DACH2: variants seen among roughly 807,000 people sequenced by gnomAD.
DACH2 encodes the protein dachshund family transcription factor 2.
Under a neutral mutation model 35.8 loss-of-function variants are expected in DACH2, and 17 were observed. That is an observed-to-expected ratio of 0.48 (90% CI 0.33 to 0.71). The LOEUF is 0.71. Among genes scored for constraint, DACH2 ranks in the 30% least tolerant of loss-of-function variants. DACH2 has a pLI of 0.02. For missense variants in DACH2, 469 were observed against 472.7 expected, an observed-to-expected ratio of 0.99 and a Z score of 0.07; for synonymous variants, 195 against 177.3, an observed-to-expected ratio of 1.10 and a Z score of -0.79.
At chrX:86,641,874 G>A (rs1357824590) in intron 3 of DACH2, among the ~76,000 whole-genome samples, 2 of 111,755 alleles carry the variant, frequency 1.8e-5, no homozygotes, top group Admixed American at 9.5e-5. Context: ...CCTAAGTGAA[G>A]GAGAAATAAG....
At chrX:86,394,276 TTA>T (rs1409119465) in intron 2 of DACH2, among the ~76,000 whole-genome samples, 1 of 110,795 alleles carries the variant, frequency 9.0e-6, no homozygotes, top group Non-Finnish European at 1.9e-5. Flanking sequence ...AAATATTAGT[TTA>T]TGATAATTAA....
At chrX:86,609,524 C>A (rs538649668) in intron 3 of DACH2, among the ~76,000 whole-genome samples, 2 of 111,538 alleles carry the variant, frequency 1.8e-5, no homozygotes, top group African/African-American at 6.5e-5. Context: ...TTATACTTGT[C>A]GGTGTTTGTG....
intron 3 of DACH2, among the ~76,000 whole-genome samples, chrX:86,541,817 TTG>T (rs2038886970): frequency 9.0e-6 from 1 of 111,412 alleles, no homozygotes. Context: ...ACAGGGGTGT[TTG>T]TGTGTGTGCA....
intron 4 of DACH2, among the ~76,000 whole-genome samples, chrX:86,669,053 T>C (rs1267134328): frequency 8.9e-6 from 1 of 111,916 alleles, no homozygotes; most frequent in Non-Finnish European, 1.9e-5. Flanking sequence ...CCGTATGTTA[T>C]GTACTTCATC....
At chrX:86,596,666 C>T (rs2039716629) in intron 3 of DACH2, among the ~76,000 whole-genome samples, 1 of 110,694 alleles carries the variant, frequency 9.0e-6, no homozygotes, top group Admixed American at 9.6e-5. Flanking sequence ...CGAGTTCTGT[C>T]CGTTGTCTTT....
intron 1 of DACH2, among the ~76,000 whole-genome samples, chrX:86,359,459 C>G (rs1228951793): frequency 9.0e-6 from 1 of 110,916 alleles, no homozygotes; most frequent in Non-Finnish European, 1.9e-5. Context: ...CATAGAAGAC[C>G]AAGAGAGGCC....
chrX:86,182,211 T>C (rs2031517917), intron 1 of DACH2, among the ~76,000 whole-genome samples: 1 of 112,305 alleles, frequency 8.9e-6, no homozygotes, highest in Non-Finnish European at 1.9e-5. Context: ...TTGTCAATTT[T>C]GGCTTTTGTT....
At chrX:86,308,021 G>A (rs1256440221) in intron 1 of DACH2, among the ~76,000 whole-genome samples, 1 of 111,861 alleles carries the variant, frequency 8.9e-6, no homozygotes, top group Non-Finnish European at 1.9e-5. Context: ...GGCCCACTGT[G>A]AGAGAGCTGG....
rs374459484 is a variant in DACH2, at chrX:86,468,152, A to T, written c.528-46127A>T. Among the ~76,000 whole-genome samples the T allele has an allele frequency of 2.7e-4, 30 of 111,971 alleles. No individual in the cohort carries two copies. In the East Asian group the frequency reaches 3.4e-3, roughly 13 times the overall value. Reference sequence around the variant, plus strand: ...TACATTCTATTTGGACAATATTTTAATCTAGAAATATATAGTAAATGTTGA... The same window carrying T: ...TACATTCTATTTGGACAATATTTTATTCTAGAAATATATAGTAAATGTTGA... On this transcript the variant is annotated intron_variant, in intron 2 of 11. Coordinates refer to ENST00000373125, the MANE Select transcript of DACH2 (RefSeq NM_053281.3).
chrX:86,533,174 A>G (rs2148290765), intron 3 of DACH2, among the ~76,000 whole-genome samples: 1 of 111,254 alleles, frequency 9.0e-6, no homozygotes, highest in African/African-American at 3.3e-5. Flanking sequence ...CTCAGCCTCC[A>G]AATTAGCTAG....
chrX:86,446,581 G>A (rs1358001719), intron 2 of DACH2, among the ~76,000 whole-genome samples: 21 of 41,787 alleles, frequency 5.0e-4, no homozygotes, highest in African/African-American at 2.0e-3. Flanking sequence ...TACTGAGAAT[G>A]ATGGTTTCCA....
At chrX:86,695,678 T>C (rs1223614154) in intron 5 of DACH2, among the ~76,000 whole-genome samples, 1 of 109,624 alleles carries the variant, frequency 9.1e-6, no homozygotes, top group Non-Finnish European at 1.9e-5. Context: ...TCCAGCTAAA[T>C]TTTTTTGTAT....
intron 3 of DACH2, among the ~76,000 whole-genome samples, chrX:86,556,781 T>TAGAGAG (rs2039129436): frequency 1.6e-5 from 1 of 62,932 alleles, no homozygotes; most frequent in Admixed American, 2.2e-4. Flanking sequence ...TATATATATA[T>TAGAGAG]ATATATATAT....
intron 3 of DACH2, among the ~76,000 whole-genome samples, chrX:86,609,989 C>G (rs1448895314): frequency 9.0e-6 from 1 of 111,448 alleles, no homozygotes; most frequent in Non-Finnish European, 1.9e-5. Flanking sequence ...ACTTAATGAC[C>G]TGGGAATTTA....
chrX:86,712,701 T>C (rs1305139984), intron 5 of DACH2, among the ~76,000 whole-genome samples: 2 of 111,300 alleles, frequency 1.8e-5, no homozygotes, highest in Non-Finnish European at 3.8e-5. Context: ...AAGAGTTGTT[T>C]TGAGGCCTCA....
chrX:86,573,135 G>A (rs950759671), intron 3 of DACH2, among the ~76,000 whole-genome samples: 2 of 110,715 alleles, frequency 1.8e-5, no homozygotes, highest in African/African-American at 6.6e-5. Context: ...CAAAGGAAGA[G>A]AGGAGGAAAG....
intron 2 of DACH2, among the ~76,000 whole-genome samples, chrX:86,392,169 G>C (rs1386391808): frequency 1.8e-5 from 2 of 110,991 alleles, no homozygotes; most frequent in African/African-American, 3.3e-5. Context: ...AGTTCTATTA[G>C]AATAATTGCT....
intron 1 of DACH2, among the ~76,000 whole-genome samples, chrX:86,229,512 T>C (rs1478421338): frequency 5.4e-5 from 6 of 111,518 alleles, no homozygotes; most frequent in Non-Finnish European, 7.5e-5. Context: ...AGAATGATGG[T>C]GGTATTTTGA....
At chrX:86,764,172 A>G (rs1489217219) in intron 7 of DACH2, among the ~76,000 whole-genome samples, 1 of 112,608 alleles carries the variant, frequency 8.9e-6, no homozygotes, top group East Asian at 2.8e-4. Context: ...ATGTATCCAT[A>G]CAACATCATC....
Sources: gnomAD v4.1 joint callset for allele counts (sites outside exome capture counted in the v4.1 genomes callset) on GRCh38, gnomAD v4.1.1 for gene constraint, MANE v1.5 for transcripts, NCBI Gene and HGNC (gene_info 2026-07-23, HGNC 2026-07-21) for gene names.